ZEB2: variants seen among roughly 807,000 people sequenced by gnomAD.
ZEB2 encodes zinc finger E-box-binding homeobox 2.
Under a neutral mutation model 99.9 loss-of-function variants are expected in ZEB2, and 6 were observed. The ratio of observed to expected loss-of-function variants is 0.06; its 90% CI spans 0.03 to 0.12. The LOEUF is 0.12. ZEB2 is among the 10% of genes least tolerant of loss of function. The probability of loss-of-function intolerance (pLI) is 1.00; values close to 1 mark genes in which losing one functional copy is unlikely to be tolerated. For synonymous variants in ZEB2, 517 were observed against 542.5 expected, an observed-to-expected ratio of 0.95 and a Z score of 0.65; for missense variants, 969 against 1,502.8, an observed-to-expected ratio of 0.64 and a Z score of 5.87.
chr2:144,418,102 AAAG>A (rs1239467611), intron 4 of ZEB2, among the ~76,000 whole-genome samples: 2 of 152,348 alleles, frequency 1.3e-5, no homozygotes, highest in East Asian at 1.9e-4. Context: ...CTACACAGTT[AAAG>A]AAGGGATGCT....
rs1703230752 is a variant in ZEB2 at position 144,396,473 on chromosome 2, G to A, written c.3006C>T (p.Asp1002=). The stretch of plus-strand genomic sequence containing the variant: ...TTTTCTGGAATGTCTTGTCACATAA[G>A]TCACATGCATACATGCCACTCTCTG... The part of the protein sequence containing the change: ...KKTESGMYAC[D]LCDKTFQKSS... Residue 1002 remains aspartate, a synonymous_variant, in exon 9 of 10, where the codon GAC becomes GAT. Coordinates refer to ENST00000627532, the MANE Select transcript of ZEB2 (RefSeq NM_014795.4). 1.9e-6 allele frequency: 3 copies of A among 1,614,018 alleles called. No individual in the cohort carries two copies. Among genetic ancestry groups the A allele is most frequent in the African/African-American group, 1.3e-5 (1 of 74,920 alleles).
chr2:144,419,850 T>C (rs531058977), intron 4 of ZEB2, among the ~76,000 whole-genome samples: 3 of 152,302 alleles, frequency 2.0e-5, no homozygotes, highest in Middle Eastern at 3.4e-3. Context: ...AAATCCAGGT[T>C]TGCACTGTTT....
intron 2 of ZEB2, among the ~76,000 whole-genome samples, 167 bp downstream of exon 2, chr2:144,517,111 C>T (rs1705164536): frequency 6.6e-6 from 1 of 150,470 alleles, no homozygotes. Flanking sequence ...CCCGGTCCAG[C>T]CGCCGCGCGC....
intron 3 of ZEB2, 54 bp from the exon 4 acceptor site, chr2:144,424,921 C>T (rs1703671911): frequency 1.3e-6 from 2 of 1,563,128 alleles, no homozygotes; most frequent in African/African-American, 2.7e-5. Flanking sequence ...GCTTACTATA[C>T]TAAGCATGCC....
At chr2:144,395,373 C>A (rs771994510) in intron 9 of ZEB2, among the ~76,000 whole-genome samples, 1 of 151,990 alleles carries the variant, frequency 6.6e-6, no homozygotes, top group Non-Finnish European at 1.5e-5. Flanking sequence ...GCTTTCCCCC[C>A]AAAGTGCTAG....
intron 2 of ZEB2, among the ~76,000 whole-genome samples, chr2:144,472,716 C>CGAAA (rs1034560443): frequency 6.6e-6 from 1 of 151,824 alleles, no homozygotes; most frequent in Admixed American, 6.6e-5. Context: ...GATGGACTAC[C>CGAAA]GAAAGAAAGT....
At chr2:144,447,015 CAAAAAAAA>C (rs200426124) in intron 2 of ZEB2, among the ~76,000 whole-genome samples, 1 of 74,502 alleles carries the variant, frequency 1.3e-5, no homozygotes, top group African/African-American at 4.8e-5. Flanking sequence ...GACACTGTTT[CAAAAAAAA>C]AAAAAAAAAA....
In ZEB2 at chr2:144,396,714, A is replaced by AT. The variant is rs1032714983; in HGVS notation, c.2887-123dup. ...TTGCTACTAATTGATTGAGTTAAAC[A>AT]TTTTTTTTTCCATGAACAATATATG... On this transcript the variant is annotated intron_variant, in intron 8 of 9. Transcript: ENST00000627532. The AT allele has an allele frequency of 4.9e-4, 516 of 1,055,568 alleles. 1 individual carries two copies. Among genetic ancestry groups the AT allele is most frequent in the Non-Finnish European group, 5.9e-4 (420 of 714,340 alleles). 65.4% of individuals were successfully genotyped at this position (1,055,568 alleles called of 1,614,324 possible).
chr2:144,429,587 G>A (rs561939810), intron 3 of ZEB2, 182 bp downstream of exon 3: 25 of 926,994 alleles, frequency 2.7e-5, no homozygotes, highest in South Asian at 8.1e-5. Context: ...TGTAACTGCC[G>A]CAATGTGATA....
intron 2 of ZEB2, among the ~76,000 whole-genome samples, chr2:144,439,997 AT>A (rs888588630): frequency 1.3e-5 from 2 of 152,098 alleles, no homozygotes; most frequent in African/African-American, 4.8e-5. Flanking sequence ...AACTTTATTA[AT>A]TTTTTTTCTC....
intron 2 of ZEB2, among the ~76,000 whole-genome samples, chr2:144,433,133 C>G (rs1204482908): frequency 3.3e-5 from 5 of 152,138 alleles, no homozygotes; most frequent in Non-Finnish European, 7.4e-5. Flanking sequence ...CCAAAGAATT[C>G]CTTTCTGCAA....
chr2:144,407,254 C>A (rs1703400318), intron 4 of ZEB2, among the ~76,000 whole-genome samples: 1 of 152,152 alleles, frequency 6.6e-6, no homozygotes, highest in Non-Finnish European at 1.5e-5. Context: ...CGGTCTATTC[C>A]AAGACCGTAT....
At chr2:144,485,482 G>T (rs555989478) in intron 2 of ZEB2, among the ~76,000 whole-genome samples, 13 of 152,274 alleles carry the variant, frequency 8.5e-5, no homozygotes, top group African/African-American at 3.1e-4. Flanking sequence ...ACTTACCTAT[G>T]CTAGTGTTTG....
At chr2:144,516,992 G>A (rs1453819971) in intron 2 of ZEB2, among the ~76,000 whole-genome samples, 1 of 150,072 alleles carries the variant, frequency 6.7e-6, no homozygotes, top group Admixed American at 6.6e-5. Flanking sequence ...GGCGGAGGCA[G>A]GGGCTCGAGG....
intron 2 of ZEB2, 65 bp downstream of exon 2, chr2:144,517,213 C>T (rs1705168458): frequency 6.2e-7 from 1 of 1,602,490 alleles, no homozygotes; most frequent in Non-Finnish European, 8.5e-7. Context: ...CCCTTTCCCC[C>T]TCCTTCTCCC....
At chr2:144,498,093 TTAA>T (rs1395102638) in intron 2 of ZEB2, among the ~76,000 whole-genome samples, 2 of 101,080 alleles carry the variant, frequency 2.0e-5, no homozygotes, top group East Asian at 2.2e-4. Context: ...ATAATATATA[TTAA>T]TATTATATAT....
At chr2:144,497,237 T>TAA (rs2149922534) in intron 2 of ZEB2, among the ~76,000 whole-genome samples, 1 of 152,260 alleles carries the variant, frequency 6.6e-6, no homozygotes, top group South Asian at 2.1e-4. Flanking sequence ...CTCTGTACTC[T>TAA]CTCTGTATTG....
intron 2 of ZEB2, among the ~76,000 whole-genome samples, chr2:144,460,315 A>G (rs1054739955): frequency 6.6e-6 from 1 of 152,202 alleles, no homozygotes; most frequent in South Asian, 2.1e-4. Flanking sequence ...AGTGAGGCCT[A>G]GAAAGAGACT....
intron 4 of ZEB2, among the ~76,000 whole-genome samples, chr2:144,412,385 A>T (rs11680290): frequency 0.2 from 30,931 of 152,208 alleles, 3,216 homozygotes; most frequent in South Asian, 0.29. Flanking sequence ...GTTTATTATA[A>T]TTTAGAGGAG....
Sources: allele counts gnomAD v4.1 joint callset (sites outside exome capture counted in the v4.1 genomes callset), GRCh38; gene constraint gnomAD v4.1.1; transcripts MANE v1.5; gene names NCBI Gene and HGNC (gene_info 2026-07-23, HGNC 2026-07-21).